The following FBXO21 variants were observed in gnomAD, a reference collection of about 807,000 sequenced individuals.
FBXO21 encodes the protein F-box protein 21, also known as F-box only protein 21.
FBXO21 carries 32 observed loss-of-function variants against 76.6 expected under a neutral mutation model. The ratio of observed to expected loss-of-function variants is 0.42; its 90% CI spans 0.32 to 0.56. The LOEUF (loss-of-function observed/expected upper bound fraction) is 0.56, where lower values mean the gene tolerates loss of function less well. Among genes scored for constraint, FBXO21 ranks in the 20% least tolerant of loss-of-function variants. The pLI is 0.16. For synonymous variants in FBXO21, 328 were observed against 311.5 expected (o/e 1.05, Z -0.56); for missense variants, 586 against 797.3 (o/e 0.73, Z 3.19).
intron 9 of FBXO21, among the ~76,000 whole-genome samples, chr12:117,163,055 A>G (rs1956002728): frequency 1.3e-5 from 2 of 152,248 alleles, no homozygotes; most frequent in Non-Finnish European, 1.5e-5. Flanking sequence ...GGGATTATGC[A>G]TTTATTAAGG....
intron 11 of FBXO21, among the ~76,000 whole-genome samples, chr12:117,151,076 C>T (rs1315359555): frequency 4.6e-5 from 7 of 151,480 alleles, no homozygotes; most frequent in Non-Finnish European, 8.8e-5. Flanking sequence ...AGGGAACCAA[C>T]GTTTGTCGAG....
chr12:117,166,216 T>C, intron 8 of FBXO21, among the ~76,000 whole-genome samples: 1 of 150,878 alleles, frequency 6.6e-6, no homozygotes, highest in Admixed American at 6.6e-5. Flanking sequence ...AAAAGAATTC[T>C]GAGTAGGCGG....
Position 117,177,657 on chromosome 12 carries a change from C to T in FBXO21, c.471-16G>A. On this transcript the variant is annotated splice_polypyrimidine_tract_variant and intron_variant, in intron 3 of 11. Transcript: ENST00000622495. ...CAAAGCTTTTCTGGAAACAAAAAGTCAGTAAGAATTAAGATTTGAAAACTT... is the reference window on the plus strand; with the variant it reads ...CAAAGCTTTTCTGGAAACAAAAAGTTAGTAAGAATTAAGATTTGAAAACTT... 2 of 1,610,194 alleles carry T rather than the reference C, an allele frequency of 1.2e-6. No homozygotes were observed. The highest frequency in any genetic ancestry group is 1.7e-6 in the Non-Finnish European group (2 of 1,178,306).
At position 117,145,194 on chromosome 12, in the gene FBXO21, T is replaced by G. The variant is rs1955755094; in HGVS notation, c.*893A>C. On this transcript the variant is annotated 3_prime_UTR_variant, in exon 12 of 12. Coordinates refer to ENST00000622495, the MANE Select transcript of FBXO21 (RefSeq NM_015002.3). ...AGCAAACATTAACATCAGATTTGTA[T>G]GTCTCACTACAAAAAGAACCCATCA... is the stretch of plus-strand genomic sequence containing the variant. The G allele has an allele frequency of 6.6e-6, 1 of 151,940 alleles. No homozygotes were observed. Among genetic ancestry groups the G allele is most frequent in the South Asian group, 2.1e-4 (1 of 4,814 alleles). The allele number at this position is 151,940 out of a possible 1,614,324, so 9.4% of individuals were successfully genotyped here. A position where few individuals can be genotyped will look rare whatever the true frequency, so the allele number is the denominator to read the frequency against.
At chr12:117,167,190 C>G (rs770611188) in intron 7 of FBXO21, 113 bp from the exon 8 acceptor site, 1 of 794,816 alleles carries the variant, frequency 1.3e-6, no homozygotes. Flanking sequence ...TTTCTACTTA[C>G]AATATGAAGG....
intron 11 of FBXO21, among the ~76,000 whole-genome samples, chr12:117,149,649 C>A (rs1955816944): frequency 6.6e-6 from 1 of 152,216 alleles, no homozygotes; most frequent in Admixed American, 6.5e-5. Context: ...CGGCCCCCCA[C>A]AAACGGTTAT....
intron 10 of FBXO21, among the ~76,000 whole-genome samples, chr12:117,157,466 T>C (rs1955929546): frequency 6.6e-6 from 1 of 152,178 alleles, no homozygotes; most frequent in Non-Finnish European, 1.5e-5. Flanking sequence ...GGATACAGTT[T>C]AATTTTGCCT....
At chr12:117,148,185 A>G (rs753434189) in intron 11 of FBXO21, among the ~76,000 whole-genome samples, 1 of 152,140 alleles carries the variant, frequency 6.6e-6, no homozygotes, top group Non-Finnish European at 1.5e-5. Context: ...ATAAAACAGG[A>G]GGAGCTGAAG....
chr12:117,165,736 G>A (rs1566000637), intron 8 of FBXO21, 119 bp from the exon 9 acceptor site: 1 of 979,200 alleles, frequency 1.0e-6, no homozygotes, highest in Non-Finnish European at 1.4e-6. Context: ...TCTGATTCTG[G>A]TATTTCTTCT....
rs182404339 is a variant in FBXO21 at position 117,167,990 on chromosome 12, A to G, written c.1014-913T>C. On this transcript the variant is annotated intron_variant, in intron 7 of 11. Transcript: ENST00000622495. ...CTGGGGCTGGCCCTCGCTGAGCACAATGCTGAGCAGTGGTCACATGATGCA... is the reference window on the plus strand; with the variant it reads ...CTGGGGCTGGCCCTCGCTGAGCACAGTGCTGAGCAGTGGTCACATGATGCA... 7.2e-5 allele frequency among the ~76,000 whole-genome samples: 11 copies of G among 152,262 alleles called. No individual in the cohort carries two copies. The East Asian group carries it at 1.9e-3, about 27-fold the overall frequency.
At chr12:117,186,451 A>C in intron 3 of FBXO21, 26 bp downstream of exon 3, 1 of 1,500,292 alleles carries the variant, frequency 6.7e-7, no homozygotes, top group South Asian at 1.1e-5. Context: ...TAAAGCAAAC[A>C]AATCCCTGCT....
At chr12:117,151,692 GAATA>G (rs1955844390) in intron 11 of FBXO21, among the ~76,000 whole-genome samples, 1 of 151,828 alleles carries the variant, frequency 6.6e-6, no homozygotes, top group Admixed American at 6.6e-5. Context: ...ATAACACATT[GAATA>G]AATAAAAATC....
chr12:117,154,577 G>A lies in FBXO21; in HGVS notation c.1675+1214C>T, dbSNP rs532905923. ...ATTTTTAAATTTTTTTGTAGAGATG[G>A]GGTCTTGCTGTGTTGTAGCTGGGAA... On this transcript the variant is annotated intron_variant, in intron 11 of 11. Coordinates refer to ENST00000622495, the MANE Select transcript of FBXO21 (RefSeq NM_015002.3). Among the ~76,000 whole-genome samples, 10 of 152,142 alleles carry A rather than the reference G, an allele frequency of 6.6e-5. 1 individual carries two copies. The South Asian group carries it at 2.1e-3, about 32-fold the overall frequency.
chr12:117,155,583 G>A, intron 11 of FBXO21: 1 of 615,282 alleles, frequency 1.6e-6, no homozygotes, highest in Non-Finnish European at 2.9e-6. Context: ...GGGGAGGGCG[G>A]GTATGACTAC....
At chr12:117,161,387 G>A (rs770770824) in intron 9 of FBXO21, among the ~76,000 whole-genome samples, 7 of 151,992 alleles carry the variant, frequency 4.6e-5, no homozygotes, top group Non-Finnish European at 8.8e-5. Context: ...GGGCCAGACC[G>A]CCGAGAACCT....
chr12:117,165,993 C>A lies in FBXO21; in HGVS notation c.1194-376G>T, dbSNP rs188753460. Reference sequence around the variant, plus strand: ...TCACCTGAGGTTGGGAGTTCAAGACCAGCCTGACCAACATTGAGAAACCCC... The same window carrying A: ...TCACCTGAGGTTGGGAGTTCAAGACAAGCCTGACCAACATTGAGAAACCCC... On this transcript the variant is annotated intron_variant, in intron 8 of 11. Coordinates refer to ENST00000622495, the MANE Select transcript of FBXO21 (RefSeq NM_015002.3). Among the ~76,000 whole-genome samples, 285 of 152,176 alleles carry A rather than the reference C, an allele frequency of 1.9e-3. 5 individuals carry two copies. The highest frequency in any genetic ancestry group is 0.015 in the East Asian group (80 of 5,166).
chr12:117,185,523 T>C (rs891616862), intron 3 of FBXO21, among the ~76,000 whole-genome samples: 6 of 152,250 alleles, frequency 3.9e-5, no homozygotes, highest in African/African-American at 1.4e-4. Context: ...GGAAGCCCAC[T>C]CATCTTTCAG....
At chr12:117,165,114 A>G (rs1956037381) in intron 9 of FBXO21, among the ~76,000 whole-genome samples, 1 of 152,220 alleles carries the variant, frequency 6.6e-6, no homozygotes. Context: ...GTACTTATTC[A>G]TGGCCAATGT....
intron 10 of FBXO21, among the ~76,000 whole-genome samples, chr12:117,157,476 T>G (rs931814032): frequency 6.6e-6 from 1 of 152,186 alleles, no homozygotes; most frequent in African/African-American, 2.4e-5. Context: ...TAATTTTGCC[T>G]GGTAAATAGA....
Sources: allele counts gnomAD v4.1 joint callset (sites outside exome capture counted in the v4.1 genomes callset), GRCh38; gene constraint gnomAD v4.1.1; transcripts MANE v1.5; gene names NCBI Gene and HGNC (gene_info 2026-07-23, HGNC 2026-07-21).